Variants in OLA1 observed in about 807,000 individuals in gnomAD.
The protein encoded by OLA1 is Obg like ATPase 1, also known as obg-like ATPase 1.
A neutral mutation model predicts 48.4 loss-of-function variants in OLA1; 14 were observed. The ratio of observed to expected loss-of-function variants is 0.29; its 90% CI spans 0.19 to 0.45. The LOEUF (loss-of-function observed/expected upper bound fraction) is 0.45. Among genes scored for constraint, OLA1 ranks in the 20% least tolerant of loss-of-function variants. The probability of loss-of-function intolerance (pLI) is 1.00; values close to 1 mark genes in which losing one functional copy is unlikely to be tolerated. For missense variants in OLA1, 325 were observed against 467.1 expected, an observed-to-expected ratio of 0.70 and a Z score of 2.80; for synonymous variants, 127 against 150.4, an observed-to-expected ratio of 0.84 and a Z score of 1.14.
intron 9 of OLA1, among the ~76,000 whole-genome samples, chr2:174,080,220 C>T (rs1684828793): frequency 6.6e-6 from 1 of 151,848 alleles, no homozygotes; most frequent in Non-Finnish European, 1.5e-5. Flanking sequence ...TGTTAACTGC[C>T]TCCATGTTTC....
At chr2:174,231,042 T>C (rs957965174) in intron 2 of OLA1, among the ~76,000 whole-genome samples, 2 of 152,214 alleles carry the variant, frequency 1.3e-5, no homozygotes, top group African/African-American at 4.8e-5. Flanking sequence ...GCAAAACATT[T>C]GGAGGAAACT....
At chr2:174,231,113 T>C (rs562294752) in intron 2 of OLA1, among the ~76,000 whole-genome samples, 1 of 152,250 alleles carries the variant, frequency 6.6e-6, no homozygotes, top group South Asian at 2.1e-4. Flanking sequence ...AAGAGAAAAC[T>C]ACAAAAGCCT....
At chr2:174,108,923 G>C (rs541499344) in intron 7 of OLA1, among the ~76,000 whole-genome samples, 1 of 152,220 alleles carries the variant, frequency 6.6e-6, no homozygotes, top group African/African-American at 2.4e-5. Flanking sequence ...CCATAATGGT[G>C]GTTTGCATTT....
chr2:174,106,029 T>C (rs938846972), intron 7 of OLA1, among the ~76,000 whole-genome samples: 9 of 152,086 alleles, frequency 5.9e-5, no homozygotes, highest in African/African-American at 2.2e-4. Context: ...TTGAAAATTA[T>C]CTTTATCTTT....
intron 4 of OLA1, among the ~76,000 whole-genome samples, chr2:174,165,675 C>T (rs780325100): frequency 5.9e-5 from 9 of 152,116 alleles, no homozygotes; most frequent in Non-Finnish European, 4.4e-5. Flanking sequence ...AATGTTTAAG[C>T]GCTTATCATA....
At chr2:174,162,796 C>A (rs1687043583) in intron 4 of OLA1, among the ~76,000 whole-genome samples, 1 of 152,222 alleles carries the variant, frequency 6.6e-6, no homozygotes, top group African/African-American at 2.4e-5. Flanking sequence ...ATAATCCCAG[C>A]CCTTTGGGAG....
At chr2:174,229,680 T>G (rs956505440) in intron 2 of OLA1, among the ~76,000 whole-genome samples, 1 of 152,268 alleles carries the variant, frequency 6.6e-6, no homozygotes, top group Non-Finnish European at 1.5e-5. Context: ...CACAGTCTAT[T>G]TGAAACTTGA....
chr2:174,244,524 T>G lies in OLA1; in HGVS notation c.101+2191A>C, dbSNP rs137954940. The stretch of plus-strand genomic sequence containing the variant: ...ATTCCAGCAGATTGAGTCCCTTATA[T>G]ACAATGGTGTAGTATAATACCTAAT... On this transcript the variant is annotated intron_variant, in intron 2 of 10. Coordinates refer to ENST00000284719, the MANE Select transcript of OLA1 (RefSeq NM_013341.5). 8.3e-4 allele frequency among the ~76,000 whole-genome samples: 126 copies of G among 152,334 alleles called. 1 individual carries two copies. Among genetic ancestry groups the G allele is most frequent in the African/African-American group, 2.9e-3 (122 of 41,568 alleles).
At chr2:174,167,950 A>G (rs1166474999) in intron 4 of OLA1, among the ~76,000 whole-genome samples, 1 of 152,222 alleles carries the variant, frequency 6.6e-6, no homozygotes, top group Non-Finnish European at 1.5e-5. Context: ...CTGGTGGGGA[A>G]AAACACTATA....
intron 7 of OLA1, among the ~76,000 whole-genome samples, chr2:174,083,518 T>C (rs13414103): frequency 0.55 from 82,819 of 151,796 alleles, 23,264 homozygotes; most frequent in East Asian, 0.95. Flanking sequence ...CCAAGTCCTA[T>C]GATTTATGTT....
At chr2:174,170,150 G>A (rs1355439210) in intron 4 of OLA1, among the ~76,000 whole-genome samples, 3 of 152,002 alleles carry the variant, frequency 2.0e-5, no homozygotes, top group East Asian at 1.9e-4. Flanking sequence ...GGAGAATGGC[G>A]TGAACCCGGG....
chr2:174,114,683 T>C (rs536496291), intron 7 of OLA1, among the ~76,000 whole-genome samples: 1 of 152,314 alleles, frequency 6.6e-6, no homozygotes, highest in African/African-American at 2.4e-5. Flanking sequence ...CCAGGAATAC[T>C]GATGACTACC....
At chr2:174,144,951 A>AAAAATATATATAT (rs1181030817) in intron 4 of OLA1, among the ~76,000 whole-genome samples, 3 of 40,296 alleles carry the variant, frequency 7.4e-5, no homozygotes, top group Non-Finnish European at 8.0e-5. Context: ...AAAAAAAAAA[A>AAAAATATATATAT]ATATATATAT....
At chr2:174,096,776 G>C (rs963159085) in intron 7 of OLA1, among the ~76,000 whole-genome samples, 8 of 152,188 alleles carry the variant, frequency 5.3e-5, no homozygotes, top group Admixed American at 5.2e-4. Context: ...ACTGTCTGCT[G>C]TCAGTGAGTG....
chr2:174,078,150 C>A (rs546459800), intron 10 of OLA1, among the ~76,000 whole-genome samples: 1 of 151,996 alleles, frequency 6.6e-6, no homozygotes, highest in Non-Finnish European at 1.5e-5. Flanking sequence ...ATAAAGTAAA[C>A]CTGAAATAAA....
intron 4 of OLA1, among the ~76,000 whole-genome samples, chr2:174,199,688 G>T (rs533166385): frequency 6.3e-4 from 96 of 152,100 alleles, no homozygotes; most frequent in African/African-American, 1.7e-3. Flanking sequence ...GGGTAAAAGA[G>T]TCACTCAAAG....
At chr2:174,204,417 AT>A (rs1688064947) in intron 4 of OLA1, among the ~76,000 whole-genome samples, 1 of 152,160 alleles carries the variant, frequency 6.6e-6, no homozygotes, top group Admixed American at 6.5e-5. Flanking sequence ...AGAAAAGCAA[AT>A]TTAAAAAATC....
chr2:174,184,631 T>C (rs1248482198), intron 4 of OLA1, among the ~76,000 whole-genome samples: 1 of 152,192 alleles, frequency 6.6e-6, no homozygotes, highest in Non-Finnish European at 1.5e-5. Flanking sequence ...TTAACAGCAA[T>C]ATACCAATGT....
intron 4 of OLA1, among the ~76,000 whole-genome samples, chr2:174,167,794 G>A (rs1018167011): frequency 6.6e-6 from 1 of 152,160 alleles, no homozygotes; most frequent in African/African-American, 2.4e-5. Context: ...TAGTATGCAT[G>A]CTATCACTAT....
Sources: gnomAD v4.1 joint callset for allele counts (sites outside exome capture counted in the v4.1 genomes callset) on GRCh38, gnomAD v4.1.1 for gene constraint, MANE v1.5 for transcripts, NCBI Gene and HGNC (gene_info 2026-07-23, HGNC 2026-07-21) for gene names.